Variants in RSU1 observed in about 807,000 individuals in gnomAD.
The protein encoded by RSU1 is rsu-1.
Under a neutral mutation model 31.1 loss-of-function variants are expected in RSU1, and 26 were observed. That is an observed-to-expected ratio of 0.84 (90% CI 0.61 to 1.16). The LOEUF (loss-of-function observed/expected upper bound fraction) is 1.16, where lower values mean the gene tolerates loss of function less well. Ranked by LOEUF, RSU1 falls within the 50% of genes most tolerant of loss-of-function variation. The pLI is 0.00. For synonymous variants in RSU1, 164 were observed against 136.3 expected (o/e 1.20, Z -1.41); for missense variants, 320 against 339.1 (o/e 0.94, Z 0.44).
chr10:16,679,473 C>T (rs1249585559), intron 8 of RSU1, among the ~76,000 whole-genome samples: 1 of 152,010 alleles, frequency 6.6e-6, no homozygotes, highest in Non-Finnish European at 1.5e-5. Context: ...AGTAGAGGCC[C>T]TAAAGAAAGA....
At chr10:16,741,962 C>T (rs1352217015) in intron 7 of RSU1, among the ~76,000 whole-genome samples, 2 of 152,072 alleles carry the variant, frequency 1.3e-5, no homozygotes, top group Non-Finnish European at 2.9e-5. Context: ...TTAACCAGTG[C>T]TCCCCAAACT....
chr10:16,686,135 C>A (rs1225544768), intron 8 of RSU1, among the ~76,000 whole-genome samples: 2 of 152,058 alleles, frequency 1.3e-5, no homozygotes, highest in African/African-American at 4.8e-5. Flanking sequence ...ATTTAAAAAA[C>A]CCCACAAAAC....
At chr10:16,754,748 TC>T (rs1195306109) in intron 5 of RSU1, 122 bp downstream of exon 5, 4 of 671,440 alleles carry the variant, frequency 6.0e-6, no homozygotes, top group East Asian at 5.2e-5. Context: ...AAAAGGAGTC[TC>T]TAAAGAAAAA....
chr10:16,610,473 A>C (rs1233918098), intron 8 of RSU1, among the ~76,000 whole-genome samples: 1 of 152,226 alleles, frequency 6.6e-6, no homozygotes, highest in Non-Finnish European at 1.5e-5. Context: ...GCTGCATAGT[A>C]GGTGGTGAGT....
At chr10:16,677,206 G>A (rs537838741) in intron 8 of RSU1, among the ~76,000 whole-genome samples, 12 of 152,144 alleles carry the variant, frequency 7.9e-5, no homozygotes, top group African/African-American at 2.4e-4. Flanking sequence ...TTTTAAACTG[G>A]CCAGAACTTG....
intron 2 of RSU1, among the ~76,000 whole-genome samples, chr10:16,805,288 T>C (rs1245341747): frequency 6.6e-6 from 1 of 152,128 alleles, no homozygotes. Flanking sequence ...GATGTTAATA[T>C]GGGAAACTAG....
At chr10:16,776,807 T>TAAA in intron 3 of RSU1, among the ~76,000 whole-genome samples, 1 of 137,058 alleles carries the variant, frequency 7.3e-6, no homozygotes, top group African/African-American at 3.0e-5. Context: ...GTCACAAAAT[T>TAAA]TAAAAAAAAA....
intron 8 of RSU1, among the ~76,000 whole-genome samples, chr10:16,673,306 T>C (rs1835153338): frequency 6.6e-6 from 1 of 152,234 alleles, no homozygotes; most frequent in Non-Finnish European, 1.5e-5. Context: ...GCCACACTTA[T>C]TCTCAAAAGC....
intron 1 of RSU1, 80 bp downstream of exon 1, chr10:16,817,235 G>GGCA: frequency 1.9e-5 from 11 of 583,294 alleles, no homozygotes; most frequent in East Asian, 3.0e-5. Flanking sequence ...GTGCGGGGAG[G>GGCA]GGATGGAGTG....
At chr10:16,739,999 C>A (rs1450920795) in intron 7 of RSU1, among the ~76,000 whole-genome samples, 1 of 152,082 alleles carries the variant, frequency 6.6e-6, no homozygotes, top group African/African-American at 2.4e-5. Context: ...AAACTCAATT[C>A]ATAATTCAAA....
chr10:16,752,820 A>G (rs570207447), intron 6 of RSU1, 98 bp downstream of exon 6: 451 of 1,181,734 alleles, frequency 3.8e-4, no homozygotes, highest in Non-Finnish European at 5.0e-4. Context: ...GTTTATTCCC[A>G]CAAAACAAAC....
At chr10:16,614,202 T>C (rs1311288807) in intron 8 of RSU1, among the ~76,000 whole-genome samples, 1 of 152,218 alleles carries the variant, frequency 6.6e-6, no homozygotes, top group Non-Finnish European at 1.5e-5. Context: ...AAATTAGGTA[T>C]AACATATAAA....
chr10:16,605,001 G>A (rs11254106), intron 8 of RSU1, among the ~76,000 whole-genome samples: 37,076 of 152,086 alleles, frequency 0.24, 5,919 homozygotes, highest in African/African-American at 0.46. Flanking sequence ...TGGGGGAGAA[G>A]CCAGCAGACA....
chr10:16,786,828 T>C (rs1837801621), intron 2 of RSU1, among the ~76,000 whole-genome samples: 1 of 152,212 alleles, frequency 6.6e-6, no homozygotes, highest in Non-Finnish European at 1.5e-5. Context: ...AAAATGGTTA[T>C]CTTACAGTGA....
At chr10:16,599,215 G>A (rs1833672902) in intron 8 of RSU1, among the ~76,000 whole-genome samples, 1 of 151,076 alleles carries the variant, frequency 6.6e-6, no homozygotes, top group African/African-American at 2.4e-5. Context: ...AAAGAGTGTG[G>A]CATACCATGC....
intron 2 of RSU1, among the ~76,000 whole-genome samples, chr10:16,795,151 C>T (rs1158565650): frequency 6.6e-6 from 1 of 151,890 alleles, no homozygotes; most frequent in Non-Finnish European, 1.5e-5. Context: ...GTCAGGAGTT[C>T]GAGACCAGCC....
chr10:16,735,312 T>C (rs1836602588), intron 7 of RSU1, among the ~76,000 whole-genome samples: 1 of 152,228 alleles, frequency 6.6e-6, no homozygotes, highest in Non-Finnish European at 1.5e-5. Context: ...TGCATCCTAA[T>C]ACCGCTATGT....
At chr10:16,710,513 T>C (rs1340516040) in intron 7 of RSU1, among the ~76,000 whole-genome samples, 1 of 152,130 alleles carries the variant, frequency 6.6e-6, no homozygotes, top group African/African-American at 2.4e-5. Flanking sequence ...AGGGTAATGC[T>C]GGCCTCATAA....
chr10:16,752,421 C>G, intron 7 of RSU1, 118 bp downstream of exon 7: 1 of 728,474 alleles, frequency 1.4e-6, no homozygotes, highest in Non-Finnish European at 2.4e-6. Context: ...TGATCAGCAT[C>G]GTGTGCCTAG....
Sources: gnomAD v4.1 joint callset for allele counts (sites outside exome capture counted in the v4.1 genomes callset) on GRCh38, gnomAD v4.1.1 for gene constraint, MANE v1.5 for transcripts, NCBI Gene and HGNC (gene_info 2026-07-23, HGNC 2026-07-21) for gene names.